The following TJP1 variants were observed in gnomAD, a reference collection of about 807,000 sequenced individuals.
The protein encoded by TJP1 is tight junction protein 1.
TJP1 carries 43 observed loss-of-function variants against 194.2 expected under a neutral mutation model. That is an observed-to-expected ratio of 0.22 (90% CI 0.17 to 0.29). TJP1 has a LOEUF of 0.29. Ranked by LOEUF, TJP1 falls within the 10% of genes least tolerant of loss-of-function variation. The probability of loss-of-function intolerance (pLI) is 1.00; values close to 1 mark genes in which losing one functional copy is unlikely to be tolerated. For synonymous variants in TJP1, 801 were observed against 779.0 expected (o/e 1.03, Z -0.47); for missense variants, 1,971 against 2,185.7 (o/e 0.90, Z 1.96).
chr15:29,851,357 T>C (rs2051635673), intron 2 of TJP1, among the ~76,000 whole-genome samples: 1 of 151,690 alleles, frequency 6.6e-6, no homozygotes, highest in African/African-American at 2.4e-5. Flanking sequence ...AATTTTATAC[T>C]CTGAAATTTG....
At chr15:29,798,910 A>C (rs2048592983) in intron 2 of TJP1, among the ~76,000 whole-genome samples, 1 of 152,234 alleles carries the variant, frequency 6.6e-6, no homozygotes, top group South Asian at 2.1e-4. Flanking sequence ...TCAAAAGGCT[A>C]CATGTTGTAT....
At chr15:29,840,983 G>A (rs1029613570) in intron 2 of TJP1, among the ~76,000 whole-genome samples, 9 of 152,158 alleles carry the variant, frequency 5.9e-5, no homozygotes, top group Admixed American at 5.9e-4. Flanking sequence ...ATTGCAAACT[G>A]TGAACCAGAG....
intron 2 of TJP1, among the ~76,000 whole-genome samples, chr15:29,953,140 A>ATTTTTTTTTTCTTTTTT (rs2055814254): frequency 9.0e-6 from 1 of 110,978 alleles, no homozygotes; most frequent in African/African-American, 3.2e-5. Flanking sequence ...AAGAAGACAG[A>ATTTTTTTTTTCTTTTTT]TTTTTTTTTT....
chr15:29,951,856 A>G (rs1310243464), intron 2 of TJP1, among the ~76,000 whole-genome samples: 1 of 152,226 alleles, frequency 6.6e-6, no homozygotes, highest in East Asian at 1.9e-4. Context: ...AAAGCAGGAA[A>G]TAAACTGCCT....
In TJP1 at chr15:29,708,891, A is replaced by C; in HGVS notation, c.4518T>G (p.Asp1506Glu). 2 of 1,614,092 alleles carry C rather than the reference A, an allele frequency of 1.2e-6. No individual in the cohort carries two copies. Among genetic ancestry groups the C allele is most frequent in the Non-Finnish European group, 1.7e-6 (2 of 1,180,028 alleles). Reference sequence around the variant, plus strand: ...GTTCAGTTCCATTAACTGGGGCTTTATCTGGAAAACTTTTCTGGGGATAGA... The same window carrying C: ...GTTCAGTTCCATTAACTGGGGCTTTCTCTGGAAAACTTTTCTGGGGATAGA... ...AAFYPQKSFP[D>E]KAPVNGTEQT... is the part of the protein sequence containing the mutation. The change falls in exon 25 of 28, where the codon GAT (aspartate) becomes GAG (glutamate). Residue 1506 changes from aspartate (D) to glutamate (E), a missense_variant. Physicochemically the swap from Asp to Glu is conservative, Grantham distance 45. This residue lies in a region of TJP1 where 1,108 missense variants were observed against 1,128.5 expected (regional missense o/e 0.98). Coordinates refer to ENST00000614355, the MANE Select transcript of TJP1 (RefSeq NM_001330239.4).
intron 2 of TJP1, among the ~76,000 whole-genome samples, chr15:29,788,894 A>C (rs549694482): frequency 6.6e-6 from 1 of 152,304 alleles, no homozygotes; most frequent in African/African-American, 2.4e-5. Context: ...AGAGGTGAAC[A>C]CATGTGGTTA....
chr15:29,919,276 CA>C (rs2054282104), intron 2 of TJP1, among the ~76,000 whole-genome samples: 1 of 152,200 alleles, frequency 6.6e-6, no homozygotes, highest in African/African-American at 2.4e-5. Context: ...GTCCCAGGAA[CA>C]GGGGCAGCAG....
chr15:29,908,169 C>T (rs2053889192), intron 2 of TJP1, among the ~76,000 whole-genome samples: 2 of 146,902 alleles, frequency 1.4e-5, no homozygotes, highest in Admixed American at 6.9e-5. Context: ...TCCCAAATTT[C>T]GAAGGACATT....
chr15:29,885,341 C>T (rs1433001204), intron 2 of TJP1, among the ~76,000 whole-genome samples: 1 of 152,206 alleles, frequency 6.6e-6, no homozygotes, highest in African/African-American at 2.4e-5. Flanking sequence ...CCTACCACTG[C>T]AGAGTTCCCT....
chr15:29,964,557 G>A (rs958414292), intron 1 of TJP1, among the ~76,000 whole-genome samples: 1 of 152,144 alleles, frequency 6.6e-6, no homozygotes, highest in African/African-American at 2.4e-5. Context: ...ATTTGAGGGA[G>A]TGTGACCCTG....
At chr15:29,814,948 T>C (rs2049806607) in intron 1 of TJP1, among the ~76,000 whole-genome samples, 1 of 152,230 alleles carries the variant, frequency 6.6e-6, no homozygotes, top group South Asian at 2.1e-4. Flanking sequence ...ACATTTCAAA[T>C]GGTGTTTTAC....
chr15:29,797,474 T>C (rs997217993), intron 2 of TJP1, among the ~76,000 whole-genome samples: 6 of 151,430 alleles, frequency 4.0e-5, no homozygotes, highest in Non-Finnish European at 7.4e-5. Flanking sequence ...ACTTAAAGCA[T>C]GTACTGCAAA....
chr15:29,858,605 A>G (rs2051953804), intron 2 of TJP1, among the ~76,000 whole-genome samples: 1 of 151,934 alleles, frequency 6.6e-6, no homozygotes, highest in African/African-American at 2.4e-5. Flanking sequence ...GTACAGTGCC[A>G]CAATCACAGC....
At chr15:29,777,042 T>C (rs149704086) in intron 2 of TJP1, among the ~76,000 whole-genome samples, 1 of 152,104 alleles carries the variant, frequency 6.6e-6, no homozygotes, top group Non-Finnish European at 1.5e-5. Flanking sequence ...CCCCACTCAA[T>C]ACACGGCTGC....
intron 2 of TJP1, among the ~76,000 whole-genome samples, chr15:29,883,401 T>C (rs1174076122): frequency 1.3e-5 from 2 of 152,206 alleles, no homozygotes; most frequent in Non-Finnish European, 2.9e-5. Flanking sequence ...CTGCATTGTT[T>C]ATGCTTGCTC....
At chr15:29,760,394 G>C in intron 8 of TJP1, 1 of 617,966 alleles carries the variant, frequency 1.6e-6, no homozygotes, top group Non-Finnish European at 2.9e-6. Flanking sequence ...TTTTGTTTTT[G>C]AGAAAGAGTT....
chr15:29,731,442 A>G (rs936915876), intron 15 of TJP1, among the ~76,000 whole-genome samples: 3 of 152,200 alleles, frequency 2.0e-5, no homozygotes, highest in Non-Finnish European at 4.4e-5. Flanking sequence ...TGGACTTTCC[A>G]GTGATGCCAC....
rs367882637 is a variant in TJP1 at position 29,716,785 on chromosome 15, G to C, written c.4028C>G (p.Ser1343Cys). The change falls in exon 23 of 28, where the codon TCC (serine) becomes TGC (cysteine). Residue 1343 changes from serine (S) to cysteine (C), a missense_variant. Ser to Cys is a moderately radical substitution (Grantham distance 112). Around this residue, in one of 5 missense-constraint regions of TJP1, gnomAD observed 1,108 missense variants for 1,128.5 expected, o/e 0.98. Coordinates refer to ENST00000614355, the MANE Select transcript of TJP1 (RefSeq NM_001330239.4). Reference protein sequence around the residue: ...QLKPPEDIVRSNHYDPEEDEE... With the variant: ...QLKPPEDIVRCNHYDPEEDEE... ...ATCTTCTTCAGGGTCATAATGATTGGACCGAACAATATCTTCAGGTGGCTT... is the reference window on the plus strand; with the variant it reads ...ATCTTCTTCAGGGTCATAATGATTGCACCGAACAATATCTTCAGGTGGCTT... The C allele has an allele frequency of 1.2e-6, 2 of 1,612,918 alleles. No homozygotes were observed. Among genetic ancestry groups the C allele is most frequent in the African/African-American group, 2.7e-5 (2 of 74,900 alleles).
chr15:29,829,962 T>C (rs973621502), intron 2 of TJP1, among the ~76,000 whole-genome samples: 2 of 151,660 alleles, frequency 1.3e-5, no homozygotes, highest in Admixed American at 1.3e-4. Flanking sequence ...TTTCTAGATA[T>C]GCCCTATAAA....
Sources: allele counts gnomAD v4.1 joint callset (sites outside exome capture counted in the v4.1 genomes callset), GRCh38; gene constraint gnomAD v4.1.1; regional missense constraint gnomAD v4.1.1; transcripts MANE v1.5; gene names NCBI Gene and HGNC (gene_info 2026-07-23, HGNC 2026-07-21).